The following NMNAT2 variants were observed in gnomAD, a reference collection of about 807,000 sequenced individuals.
NMNAT2 encodes the protein nicotinamide nucleotide adenylyltransferase 2.
Under a neutral mutation model 41.6 loss-of-function variants are expected in NMNAT2, and 11 were observed. The ratio of observed to expected loss-of-function variants is 0.26; its 90% CI spans 0.17 to 0.44. The LOEUF (loss-of-function observed/expected upper bound fraction) is 0.44. Ranked by LOEUF, NMNAT2 falls within the 20% of genes least tolerant of loss-of-function variation. The probability of loss-of-function intolerance (pLI) is 1.00; values close to 1 mark genes in which losing one functional copy is unlikely to be tolerated. For missense variants in NMNAT2, 288 were observed against 407.7 expected (o/e 0.71, Z 2.53); for synonymous variants, 148 against 151.2 (o/e 0.98, Z 0.16).
chr1:183,272,975 C>T (rs1005090111), intron 8 of NMNAT2, among the ~76,000 whole-genome samples: 3 of 152,220 alleles, frequency 2.0e-5, no homozygotes, highest in African/African-American at 7.2e-5. Flanking sequence ...CTAAAGCTGC[C>T]TCCCTGCATA....
intron 1 of NMNAT2, among the ~76,000 whole-genome samples, chr1:183,412,719 T>C (rs567515417): frequency 3.6e-4 from 55 of 152,328 alleles, no homozygotes; most frequent in Non-Finnish European, 3.5e-4. Context: ...TGGACATAAA[T>C]AGTGTGTCCA....
chr1:183,314,591 T>C (rs1471814810), intron 1 of NMNAT2, among the ~76,000 whole-genome samples: 1 of 152,242 alleles, frequency 6.6e-6, no homozygotes, highest in Non-Finnish European at 1.5e-5. Context: ...CAGCCTTGGC[T>C]ATGGCATTTC....
At chr1:183,255,694 C>T (rs1196014096) in intron 10 of NMNAT2, among the ~76,000 whole-genome samples, 1 of 133,962 alleles carries the variant, frequency 7.5e-6, no homozygotes, top group African/African-American at 2.7e-5. Context: ...GACAGAGTCT[C>T]ACTCTGTCAC....
At chr1:183,396,435 T>G (rs145057279) in intron 1 of NMNAT2, among the ~76,000 whole-genome samples, 1 of 151,692 alleles carries the variant, frequency 6.6e-6, no homozygotes, top group Non-Finnish European at 1.5e-5. Context: ...ACCTCAGGAG[T>G]TGGGCGAGTG....
Position 183,249,696 on chromosome 1 carries a change from TGTGTGTG to T in NMNAT2, c.*2938_*2944del, listed in dbSNP as rs1333825574. Reference sequence around the variant, plus strand: ...GAAGAGTAGGGCGTGTGTGTGTGTGTGTGTGTGTGTGTGTGTGTGTGTGTGTGTGTGT... The same window carrying T: ...GAAGAGTAGGGCGTGTGTGTGTGTGTTGTGTGTGTGTGTGTGTGTGTGTGT... On this transcript the variant is annotated 3_prime_UTR_variant, in exon 11 of 11. Coordinates refer to ENST00000287713, the MANE Select transcript of NMNAT2 (RefSeq NM_015039.4). 8.1e-5 allele frequency: 12 copies of T among 147,348 alleles called. No homozygotes were observed. Among genetic ancestry groups the T allele is most frequent in the African/African-American group, 1.3e-4 (5 of 39,432 alleles). 9.1% of individuals were successfully genotyped at this position (147,348 alleles called of 1,614,324 possible). A position where few individuals can be genotyped will look rare whatever the true frequency, so the allele number is the denominator to read the frequency against.
intron 1 of NMNAT2, among the ~76,000 whole-genome samples, chr1:183,402,381 C>T (rs1040389377): frequency 3.3e-5 from 5 of 152,106 alleles, no homozygotes; most frequent in African/African-American, 9.7e-5. Context: ...CTTGACTAAT[C>T]GGATTGTTGT....
At chr1:183,389,513 G>A (rs1179096561) in intron 1 of NMNAT2, among the ~76,000 whole-genome samples, 1 of 151,706 alleles carries the variant, frequency 6.6e-6, no homozygotes, top group Non-Finnish European at 1.5e-5. Context: ...CAACTTGACA[G>A]GGCTGTTTTG....
At chr1:183,264,799 A>T (rs1414584378) in intron 8 of NMNAT2, among the ~76,000 whole-genome samples, 1 of 151,870 alleles carries the variant, frequency 6.6e-6, no homozygotes, top group East Asian at 1.9e-4. Context: ...TTCCCACCTC[A>T]AGCCCCCATT....
chr1:183,263,504 C>A (rs1312045339), intron 8 of NMNAT2, among the ~76,000 whole-genome samples: 1 of 152,220 alleles, frequency 6.6e-6, no homozygotes, highest in Non-Finnish European at 1.5e-5. Context: ...CAAAGCCCCG[C>A]TCACACCTAA....
chr1:183,291,076 C>T (rs541361232), intron 3 of NMNAT2, among the ~76,000 whole-genome samples: 9 of 152,236 alleles, frequency 5.9e-5, no homozygotes, highest in Admixed American at 1.3e-4. Context: ...GCCACCATGC[C>T]CAGTTAATTT....
chr1:183,326,746 C>T (rs140266112), intron 1 of NMNAT2, among the ~76,000 whole-genome samples: 5 of 151,988 alleles, frequency 3.3e-5, no homozygotes, highest in African/African-American at 1.2e-4. Context: ...TTGAGAAGCT[C>T]GCAGAACAAG....
chr1:183,317,444 G>T (rs2788066), intron 1 of NMNAT2, among the ~76,000 whole-genome samples: 109,562 of 151,558 alleles, frequency 0.72, 39,760 homozygotes, highest in East Asian at 0.92. Context: ...AATATTTTTT[G>T]TGTGTGTGGA....
chr1:183,319,053 C>T (rs1257142621), intron 1 of NMNAT2, among the ~76,000 whole-genome samples: 2 of 152,162 alleles, frequency 1.3e-5, no homozygotes, highest in African/African-American at 2.4e-5. Context: ...GGGACACAGG[C>T]GTGTGCATGC....
chr1:183,389,172 C>G (rs938830441), intron 1 of NMNAT2, among the ~76,000 whole-genome samples: 2 of 152,164 alleles, frequency 1.3e-5, no homozygotes, highest in Admixed American at 6.5e-5. Flanking sequence ...AGTATCACCC[C>G]TCCAGCACTG....
chr1:183,401,813 G>A (rs994400713), intron 1 of NMNAT2, among the ~76,000 whole-genome samples: 10 of 151,808 alleles, frequency 6.6e-5, no homozygotes, highest in African/African-American at 2.4e-4. Flanking sequence ...ACTATTGCAA[G>A]GACAGGAAAC....
intron 1 of NMNAT2, among the ~76,000 whole-genome samples, chr1:183,401,185 C>A (rs1164489482): frequency 1.3e-5 from 2 of 152,130 alleles, no homozygotes; most frequent in African/African-American, 4.8e-5. Flanking sequence ...GGCTAATATC[C>A]AGAATCTACA....
chr1:183,375,876 C>T (rs985695526), intron 1 of NMNAT2, among the ~76,000 whole-genome samples: 3 of 152,210 alleles, frequency 2.0e-5, no homozygotes, highest in African/African-American at 7.2e-5. Flanking sequence ...ATTGATCACA[C>T]TCTGGTATTA....
At chr1:183,310,250 G>C (rs1161655537) in intron 1 of NMNAT2, among the ~76,000 whole-genome samples, 1 of 152,152 alleles carries the variant, frequency 6.6e-6, no homozygotes, top group Non-Finnish European at 1.5e-5. Flanking sequence ...CTGAATCTTA[G>C]TATCTCTAGG....
intron 1 of NMNAT2, among the ~76,000 whole-genome samples, chr1:183,360,260 A>T (rs768356612): frequency 1.3e-5 from 2 of 152,164 alleles, no homozygotes; most frequent in African/African-American, 2.4e-5. Flanking sequence ...AGGAAGCCAG[A>T]TTTCAGCCAA....
Sources: gnomAD v4.1 joint callset for allele counts (sites outside exome capture counted in the v4.1 genomes callset) on GRCh38, gnomAD v4.1.1 for gene constraint, MANE v1.5 for transcripts, NCBI Gene and HGNC (gene_info 2026-07-23, HGNC 2026-07-21) for gene names.